SLC25A26: variants seen among roughly 807,000 people sequenced by gnomAD.
SLC25A26 encodes the protein mitochondrial S-adenosylmethionine carrier protein.
Under a neutral mutation model 37.8 loss-of-function variants are expected in SLC25A26, and 36 were observed. The ratio of observed to expected loss-of-function variants is 0.95; its 90% CI spans 0.73 to 1.26. The LOEUF is 1.26. Among genes scored for constraint, SLC25A26 ranks in the 50% most tolerant of loss-of-function variants. The probability of loss-of-function intolerance (pLI) is 0.00; values close to 1 mark genes in which losing one functional copy is unlikely to be tolerated. For synonymous variants in SLC25A26, 129 were observed against 122.5 expected (o/e 1.05, Z -0.35); for missense variants, 390 against 331.1 (o/e 1.18, Z -1.38).
intron 1 of SLC25A26, among the ~76,000 whole-genome samples, chr3:66,227,403 T>G (rs1553661149): frequency 6.6e-6 from 1 of 152,234 alleles, no homozygotes; most frequent in African/African-American, 2.4e-5. Context: ...TAAAATGTCG[T>G]GTGCATTTAT....
chr3:66,315,275 C>T (rs1204537510), intron 5 of SLC25A26, among the ~76,000 whole-genome samples: 1 of 151,894 alleles, frequency 6.6e-6, no homozygotes. Context: ...TATAAATTTC[C>T]CTCATAATGC....
intron 5 of SLC25A26, among the ~76,000 whole-genome samples, chr3:66,270,666 C>A (rs2073927440): frequency 6.6e-6 from 1 of 152,122 alleles, no homozygotes; most frequent in South Asian, 2.1e-4. Flanking sequence ...TAGAGATGTT[C>A]TATGAAGAAT....
chr3:66,255,456 A>G (rs1012082697), intron 3 of SLC25A26, among the ~76,000 whole-genome samples: 4 of 150,180 alleles, frequency 2.7e-5, no homozygotes, highest in Admixed American at 2.0e-4. Flanking sequence ...GGAGGCCAGC[A>G]TTGCATTTTG....
chr3:66,238,530 A>G (rs1576684296), intron 2 of SLC25A26, among the ~76,000 whole-genome samples: 1 of 151,920 alleles, frequency 6.6e-6, no homozygotes, highest in East Asian at 1.9e-4. Flanking sequence ...TTACAGGCAC[A>G]CGCCACCACA....
At chr3:66,370,411 C>G in intron 8 of SLC25A26, 118 bp from the exon 9 acceptor site, 1 of 846,980 alleles carries the variant, frequency 1.2e-6, no homozygotes, top group Non-Finnish European at 1.9e-6. Flanking sequence ...TCCCTGGTAT[C>G]TGACACTGTG....
At chr3:66,343,722 A>G (rs1273005660) in intron 5 of SLC25A26, among the ~76,000 whole-genome samples, 3 of 152,180 alleles carry the variant, frequency 2.0e-5, no homozygotes, top group Non-Finnish European at 4.4e-5. Flanking sequence ...ATCTTTTTTC[A>G]TCTTATGAAA....
intron 1 of SLC25A26, among the ~76,000 whole-genome samples, chr3:66,159,333 C>A (rs961216777): frequency 6.6e-6 from 1 of 152,204 alleles, no homozygotes; most frequent in Non-Finnish European, 1.5e-5. Flanking sequence ...GGGTGATATA[C>A]TCATCCATGA....
chr3:66,235,640 C>T (rs1459432206), intron 1 of SLC25A26, among the ~76,000 whole-genome samples: 6 of 152,138 alleles, frequency 3.9e-5, no homozygotes, highest in Admixed American at 3.9e-4. Context: ...TTCGGATTCA[C>T]TGCTTATTAG....
rs782761312 is a variant in SLC25A26, at chr3:66,240,747, C to CTTTTT, written c.191-2444_191-2440dup. Among the ~76,000 whole-genome samples the CTTTTT allele has an allele frequency of 4.3e-3, 558 of 129,090 alleles. 9 individuals are homozygous for CTTTTT. Among genetic ancestry groups the CTTTTT allele is most frequent in the East Asian group, 0.013 (56 of 4,454 alleles). 84.7% of individuals were successfully genotyped at this position (129,090 alleles called of 152,430 possible). A position where few individuals can be genotyped will look rare whatever the true frequency, so the allele number is the denominator to read the frequency against. On this transcript the variant is annotated intron_variant, in intron 2 of 9. Coordinates refer to ENST00000354883, the MANE Select transcript of SLC25A26 (RefSeq NM_001379210.1). Reference sequence around the variant, plus strand: ...CATGACAGGGCTAGCCTTTTCTTTTCTTTTTTTTTTTTTTTTGAGACAGAG... The same window carrying CTTTTT: ...CATGACAGGGCTAGCCTTTTCTTTTCTTTTTTTTTTTTTTTTTTTTTGAGACAGAG...
chr3:66,301,373 C>T (rs947843171), intron 5 of SLC25A26, among the ~76,000 whole-genome samples: 1 of 152,148 alleles, frequency 6.6e-6, no homozygotes, highest in Non-Finnish European at 1.5e-5. Context: ...CAAGTTCATG[C>T]CTTGCATCTT....
At chr3:66,304,608 T>G (rs1246390667) in intron 5 of SLC25A26, 1 of 346,672 alleles carries the variant, frequency 2.9e-6, no homozygotes, top group Non-Finnish European at 5.7e-6. Context: ...TCACTGGTGC[T>G]TTCAGGAAAC....
intron 1 of SLC25A26, 168 bp downstream of exon 1, chr3:66,221,295 C>A (rs1576649890): frequency 3.5e-6 from 1 of 284,160 alleles, no homozygotes; most frequent in Non-Finnish European, 5.3e-6. Flanking sequence ...CACCGGCGGG[C>A]CAGGTGTTAA....
In SLC25A26 at chr3:66,236,538, T is replaced by C. The variant is rs916585808; in HGVS notation, c.34-6T>C. The C allele has an allele frequency of 1.5e-5, 21 of 1,428,424 alleles. No homozygotes were observed. The Admixed American group carries it at 1.5e-4, about 10-fold the overall frequency. 88.5% of individuals were successfully genotyped at this position (1,428,424 alleles called of 1,614,324 possible). A position where few individuals can be genotyped will look rare whatever the true frequency, so the allele number is the denominator to read the frequency against. ...TTTCTTTTTCTTCCCTCTTTTTTTT[T>C]CAAAGGCTGGTGGGGTAGCAGGTGT... On this transcript the variant is annotated splice_polypyrimidine_tract_variant and splice_region_variant and intron_variant, in intron 1 of 9. Transcript: ENST00000354883.
intron 1 of SLC25A26, among the ~76,000 whole-genome samples, chr3:66,231,298 T>C (rs782458790): frequency 4.6e-5 from 7 of 152,128 alleles, no homozygotes; most frequent in Admixed American, 2.0e-4. Flanking sequence ...GGTCAGTAGG[T>C]TGAGGTTCTT....
intron 5 of SLC25A26, among the ~76,000 whole-genome samples, chr3:66,282,785 A>G (rs564643282): frequency 7.9e-5 from 12 of 152,310 alleles, no homozygotes; most frequent in African/African-American, 2.6e-4. Flanking sequence ...AGCCATCATC[A>G]CAATCAAGAT....
At chr3:66,185,349 T>C (rs1241532603) in intron 1 of SLC25A26, among the ~76,000 whole-genome samples, 1 of 152,262 alleles carries the variant, frequency 6.6e-6, no homozygotes, top group Non-Finnish European at 1.5e-5. Flanking sequence ...TCCATTCATC[T>C]GTCCATGGAC....
chr3:66,208,870 G>GTGTATATATATATATATATATA (rs1364331517), intron 1 of SLC25A26, among the ~76,000 whole-genome samples: 5 of 55,902 alleles, frequency 8.9e-5, no homozygotes, highest in South Asian at 1.2e-3. Context: ...ATGGGTGTGT[G>GTGTATATATATATATATATATA]TATATATATA....
Position 66,238,040 on chromosome 3 carries a change from T to G in SLC25A26, c.190+1340T>G, listed in dbSNP as rs551421788. Among the ~76,000 whole-genome samples, 30 of 152,346 alleles carry G rather than the reference T, an allele frequency of 2.0e-4. No individual in the cohort carries two copies. The East Asian group carries it at 5.4e-3, about 27-fold the overall frequency. ...TTTTGGTCATCTTTCGATTTTTGTG[T>G]ATGTTAATACTCTGAGTAATTGTAA... On this transcript the variant is annotated intron_variant, in intron 2 of 9. Transcript: ENST00000354883.
At chr3:66,162,349 T>C (rs1326145081) in intron 1 of SLC25A26, among the ~76,000 whole-genome samples, 1 of 151,326 alleles carries the variant, frequency 6.6e-6, no homozygotes, top group Non-Finnish European at 1.5e-5. Flanking sequence ...TTTTTCTTTT[T>C]TTTTTTTTTT....
Sources: allele counts gnomAD v4.1 joint callset (sites outside exome capture counted in the v4.1 genomes callset), GRCh38; gene constraint gnomAD v4.1.1; transcripts MANE v1.5; gene names NCBI Gene and HGNC (gene_info 2026-07-23, HGNC 2026-07-21).